The following THSD7B variants were observed in gnomAD, a reference collection of about 807,000 sequenced individuals.
The protein encoded by THSD7B is thrombospondin type 1 domain containing 7B.
Under a neutral mutation model 213.6 loss-of-function variants are expected in THSD7B, and 138 were observed. The observed-to-expected ratio is 0.65, with a 90% CI of 0.56 to 0.74. THSD7B has a LOEUF of 0.74. Ranked by LOEUF, THSD7B falls within the 30% of genes least tolerant of loss-of-function variation. THSD7B has a pLI of 0.00. For missense variants in THSD7B, 1,931 were observed against 1,991.5 expected (o/e 0.97, Z 0.58); for synonymous variants, 742 against 687.0 (o/e 1.08, Z -1.25).
At position 137,247,887 on chromosome 2, in the gene THSD7B, A is replaced by G. The variant is rs573396682; in HGVS notation, c.2266+5315A>G. Among the ~76,000 whole-genome samples, 26 of 152,256 alleles carry G rather than the reference A, an allele frequency of 1.7e-4. 1 individual carries two copies. In the South Asian group the frequency reaches 5.2e-3, roughly 30 times the overall value. Reference sequence around the variant, plus strand: ...AATTACTTTAAACTTGCTGTGTTTCAATTTCTTCCTTTCCAAAATAAGGTA... The same window carrying G: ...AATTACTTTAAACTTGCTGTGTTTCGATTTCTTCCTTTCCAAAATAAGGTA... On this transcript the variant is annotated intron_variant, in intron 10 of 27. Coordinates refer to ENST00000409968, the MANE Select transcript of THSD7B (RefSeq NM_001316349.2).
intron 12 of THSD7B, among the ~76,000 whole-genome samples, chr2:137,348,289 C>A (rs1684923205): frequency 6.6e-6 from 1 of 151,670 alleles, no homozygotes; most frequent in South Asian, 2.1e-4. Flanking sequence ...AAGTAAAAAG[C>A]AATTGTTTGC....
intron 15 of THSD7B, among the ~76,000 whole-genome samples, chr2:137,555,033 T>C (rs2105211803): frequency 6.6e-6 from 1 of 152,188 alleles, no homozygotes; most frequent in Non-Finnish European, 1.5e-5. Context: ...AGTAGGTAAA[T>C]AAAGCTACTG....
intron 2 of THSD7B, among the ~76,000 whole-genome samples, chr2:136,958,244 A>G (rs1325921703): frequency 2.0e-5 from 3 of 152,236 alleles, no homozygotes; most frequent in African/African-American, 7.2e-5. Context: ...TATGAGTGTA[A>G]AGAGTCATAG....
chr2:137,211,980 G>A (rs992610605), intron 7 of THSD7B, among the ~76,000 whole-genome samples: 3 of 151,898 alleles, frequency 2.0e-5, no homozygotes, highest in Non-Finnish European at 4.4e-5. Context: ...TACCATGCTG[G>A]AGCTAAATAA....
chr2:137,041,793 TG>T (rs992987335), intron 2 of THSD7B, among the ~76,000 whole-genome samples: 1 of 152,092 alleles, frequency 6.6e-6, no homozygotes, highest in African/African-American at 2.4e-5. Flanking sequence ...GTTCTAAAAT[TG>T]GAAGCAATGA....
chr2:137,197,658 C>T (rs6720482), intron 7 of THSD7B, among the ~76,000 whole-genome samples: 8,033 of 152,132 alleles, frequency 0.053, 536 homozygotes, highest in African/African-American at 0.16. Flanking sequence ...ACTGTTGGCG[C>T]TTTAGAAATG....
chr2:137,482,316 A>G (rs575722836), intron 15 of THSD7B, among the ~76,000 whole-genome samples: 3 of 152,236 alleles, frequency 2.0e-5, no homozygotes, highest in Non-Finnish European at 4.4e-5. Flanking sequence ...TTTGTATTCT[A>G]AGAATAAATC....
At chr2:137,430,602 T>C (rs1333432490) in intron 14 of THSD7B, among the ~76,000 whole-genome samples, 1 of 152,246 alleles carries the variant, frequency 6.6e-6, no homozygotes, top group Non-Finnish European at 1.5e-5. Flanking sequence ...CCTTTCTCTC[T>C]CTCAGTGATT....
At chr2:137,121,730 C>T (rs560114489) in intron 5 of THSD7B, among the ~76,000 whole-genome samples, 1 of 152,286 alleles carries the variant, frequency 6.6e-6, no homozygotes, top group East Asian at 1.9e-4. Context: ...TCTTTGTATT[C>T]CCAAGTGTCA....
At chr2:136,839,090 C>T (rs547720691) in intron 1 of THSD7B, among the ~76,000 whole-genome samples, 1 of 152,296 alleles carries the variant, frequency 6.6e-6, no homozygotes, top group South Asian at 2.1e-4. Flanking sequence ...GAGACACTGT[C>T]ATGTTGTTCT....
chr2:137,629,983 G>A (rs1682709681), intron 20 of THSD7B, among the ~76,000 whole-genome samples: 2 of 147,992 alleles, frequency 1.4e-5, no homozygotes, highest in African/African-American at 2.5e-5. Context: ...GCATTTATTT[G>A]CGCCCAACTT....
At chr2:137,530,223 A>G (rs574595096) in intron 15 of THSD7B, among the ~76,000 whole-genome samples, 5 of 152,168 alleles carry the variant, frequency 3.3e-5, no homozygotes, top group Admixed American at 2.6e-4. Flanking sequence ...TGAGTAAATC[A>G]TGTTTATAAC....
At chr2:136,858,812 A>G (rs1683215711) in intron 1 of THSD7B, among the ~76,000 whole-genome samples, 1 of 152,194 alleles carries the variant, frequency 6.6e-6, no homozygotes, top group African/African-American at 2.4e-5. Context: ...GACGTCCCAT[A>G]ATATCTTCCC....
rs550771619 is a variant in THSD7B at position 137,616,190 on chromosome 2, A to G, written c.3439A>G (p.Thr1147Ala). 11 of 1,613,032 alleles carry G rather than the reference A, an allele frequency of 6.8e-6. No individual in the cohort carries two copies. Among genetic ancestry groups the G allele is most frequent in the Non-Finnish European group, 9.3e-6 (11 of 1,179,554 alleles). ...ATTTTAATAGTCATGCGATCCCCAC[A>G]CAATGCAGAGAAGAACTCGCCACCT... ...SKCPQSCDPH[T>A]MQRRTRHLLR... The change falls in exon 18 of 28, where the codon ACA (threonine) becomes GCA (alanine). Residue 1147 changes from threonine to alanine, a missense_variant. Coordinates refer to ENST00000409968, the MANE Select transcript of THSD7B (RefSeq NM_001316349.2).
At chr2:137,254,932 G>A in intron 10 of THSD7B, among the ~76,000 whole-genome samples, 1 of 151,746 alleles carries the variant, frequency 6.6e-6, no homozygotes, top group East Asian at 1.9e-4. Flanking sequence ...GAGTGAGGGG[G>A]GGCTCTCATA....
chr2:136,975,030 C>T (rs1284132310), intron 2 of THSD7B, among the ~76,000 whole-genome samples: 2 of 141,722 alleles, frequency 1.4e-5, no homozygotes, highest in African/African-American at 5.2e-5. Flanking sequence ...CCTTTGCCCA[C>T]TTTTTAATGG....
At chr2:137,477,813 CTT>C (rs1231768290) in intron 15 of THSD7B, among the ~76,000 whole-genome samples, 2 of 151,798 alleles carry the variant, frequency 1.3e-5, no homozygotes, top group African/African-American at 4.8e-5. Context: ...CTAGGAAAGA[CTT>C]TTTTAATCCT....
intron 2 of THSD7B, among the ~76,000 whole-genome samples, chr2:136,914,718 C>G (rs1684323549): frequency 1.3e-5 from 2 of 152,184 alleles, no homozygotes; most frequent in African/African-American, 4.8e-5. Flanking sequence ...CACCATAATT[C>G]TGAGGCCTTC....
At chr2:137,287,841 T>A (rs1277688383) in intron 12 of THSD7B, among the ~76,000 whole-genome samples, 2 of 152,118 alleles carry the variant, frequency 1.3e-5, no homozygotes. Flanking sequence ...GTAAGAAATT[T>A]CTCTTCTAGC....
Sources: gnomAD v4.1 joint callset for allele counts (sites outside exome capture counted in the v4.1 genomes callset) on GRCh38, gnomAD v4.1.1 for gene constraint, MANE v1.5 for transcripts, NCBI Gene and HGNC (gene_info 2026-07-23, HGNC 2026-07-21) for gene names.